Variants in NIN observed in about 807,000 individuals in gnomAD.
NIN encodes glycogen synthase kinase 3 beta-interacting protein.
A neutral mutation model predicts 257.6 loss-of-function variants in NIN; 137 were observed. The observed-to-expected ratio is 0.53, with a 90% CI of 0.46 to 0.61. The LOEUF (loss-of-function observed/expected upper bound fraction) is 0.61, where lower values mean the gene tolerates loss of function less well. NIN is among the 20% of genes least tolerant of loss of function. The pLI, the probability that NIN is intolerant of heterozygous loss-of-function variation, is 0.00. For synonymous variants in NIN, 918 were observed against 919.8 expected, an observed-to-expected ratio of 1.00 and a Z score of 0.04; for missense variants, 2,439 against 2,501.2, an observed-to-expected ratio of 0.98 and a Z score of 0.53.
At chr14:50,806,703 G>C in intron 4 of NIN, 34 bp downstream of exon 4, 1 of 1,223,350 alleles carries the variant, frequency 8.2e-7, no homozygotes, top group Non-Finnish European at 1.2e-6. Flanking sequence ...AACTTTTAAA[G>C]GGGAAGGCAG....
At chr14:50,797,786 G>A (rs1191716946) in intron 4 of NIN, among the ~76,000 whole-genome samples, 9 of 152,058 alleles carry the variant, frequency 5.9e-5, no homozygotes, top group Admixed American at 5.9e-4. Context: ...GAGAGAATGA[G>A]ACAGAGACTG....
intron 28 of NIN, among the ~76,000 whole-genome samples, chr14:50,731,255 C>T (rs528594931): frequency 2.0e-5 from 3 of 152,258 alleles, no homozygotes; most frequent in Admixed American, 6.5e-5. Flanking sequence ...CCAGGCCAGG[C>T]GCAGTGGCTC....
At chr14:50,747,449 G>A (rs998414073) in intron 22 of NIN, among the ~76,000 whole-genome samples, 1 of 152,288 alleles carries the variant, frequency 6.6e-6, no homozygotes, top group Middle Eastern at 3.4e-3. Flanking sequence ...GAATTTTAGA[G>A]TGGGCCGGAT....
At chr14:50,825,410 A>G (rs531987544) in intron 2 of NIN, among the ~76,000 whole-genome samples, 6 of 152,364 alleles carry the variant, frequency 3.9e-5, no homozygotes, top group African/African-American at 1.4e-4. Flanking sequence ...TTAATGTCAA[A>G]TAAAAGCAGA....
intron 28 of NIN, 57 bp downstream of exon 28, chr14:50,735,459 C>T: frequency 6.3e-7 from 1 of 1,582,212 alleles, no homozygotes. Flanking sequence ...CCAACAAATA[C>T]CTCATTCATG....
chr14:50,772,461 T>C lies in NIN; in HGVS notation c.821A>G (p.Asp274Gly). The C allele has an allele frequency of 6.2e-7, 1 of 1,614,078 alleles. No individual in the cohort carries two copies. Among genetic ancestry groups the C allele is most frequent in the Non-Finnish European group, 8.5e-7 (1 of 1,179,966 alleles). Reference protein sequence around the residue: ...LKRHLSMQSFDESGRRTTTSS... With the variant: ...LKRHLSMQSFGESGRRTTTSS... ...GGTTGTGGTACGTCGTCCACTCTCA[T>C]CGAAAGACTGGAAGGAGGAAGAGAC... is the stretch of plus-strand genomic sequence containing the variant. Residue 274 changes from aspartate (D) to glycine (G), a missense_variant, in exon 9 of 31, where the codon GAT (aspartate) becomes GGT (glycine). By Grantham distance (94) the Asp-to-Gly change is moderately conservative. Coordinates refer to ENST00000530997, the MANE Select transcript of NIN (RefSeq NM_020921.4).
intron 24 of NIN, 61 bp from the exon 25 acceptor site, chr14:50,741,789 G>A: frequency 1.3e-6 from 2 of 1,544,652 alleles, no homozygotes; most frequent in Admixed American, 2.0e-5. Flanking sequence ...CCTCTAGCAT[G>A]TTCAGGAATG....
intron 16 of NIN, among the ~76,000 whole-genome samples, 200 bp from the exon 17 acceptor site, chr14:50,760,559 T>C (rs2140868455): frequency 6.6e-6 from 1 of 152,206 alleles, no homozygotes; most frequent in East Asian, 1.9e-4. Context: ...ATATCTCTTT[T>C]AAGTGGCTGA....
At chr14:50,739,216 C>T (rs1220735470) in intron 26 of NIN, 92 bp downstream of exon 26, 2 of 1,272,376 alleles carry the variant, frequency 1.6e-6, no homozygotes, top group South Asian at 1.3e-5. Flanking sequence ...AAATCCATAC[C>T]TTAGAACCAT....
intron 28 of NIN, among the ~76,000 whole-genome samples, chr14:50,731,341 C>A (rs1418410548): frequency 6.6e-6 from 1 of 151,806 alleles, no homozygotes. Flanking sequence ...ACCAGCCTGT[C>A]CAACGTGGTG....
At chr14:50,728,284 A>G (rs963651874) in intron 29 of NIN, among the ~76,000 whole-genome samples, 1 of 152,170 alleles carries the variant, frequency 6.6e-6, no homozygotes, top group African/African-American at 2.4e-5. Context: ...AGCATCTAAC[A>G]CTCTACCATC....
intron 3 of NIN, among the ~76,000 whole-genome samples, chr14:50,816,016 A>G (rs1566877845): frequency 6.6e-6 from 1 of 152,178 alleles, no homozygotes; most frequent in Non-Finnish European, 1.5e-5. Context: ...CAAAAAAACA[A>G]AACAAAATGA....
chr14:50,775,309 T>C (rs911928132), intron 7 of NIN, among the ~76,000 whole-genome samples: 2 of 152,222 alleles, frequency 1.3e-5, no homozygotes, highest in African/African-American at 2.4e-5. Flanking sequence ...TTTGCATCTC[T>C]GCCCTGTCAT....
intron 29 of NIN, among the ~76,000 whole-genome samples, chr14:50,729,156 CAGCTT>C (rs1392810413): frequency 1.3e-5 from 2 of 152,122 alleles, no homozygotes; most frequent in Non-Finnish European, 2.9e-5. Flanking sequence ...CTAAATGACT[CAGCTT>C]AGAAGCTGAG....
At chr14:50,769,942 C>CAAAAA (rs1176244770) in intron 12 of NIN, among the ~76,000 whole-genome samples, 1 of 84,392 alleles carries the variant, frequency 1.2e-5, no homozygotes. Flanking sequence ...GACCCCATCT[C>CAAAAA]AAAAAAAAAA....
chr14:50,746,690 C>T (rs1183714967), intron 22 of NIN, among the ~76,000 whole-genome samples: 2 of 152,096 alleles, frequency 1.3e-5, no homozygotes, highest in Non-Finnish European at 2.9e-5. Context: ...CTAAATTTTC[C>T]TACCATAAAT....
At chr14:50,794,819 T>A (rs376640186) in intron 4 of NIN, among the ~76,000 whole-genome samples, 49 of 151,706 alleles carry the variant, frequency 3.2e-4, no homozygotes, top group African/African-American at 9.4e-4. Flanking sequence ...AAATCCATTG[T>A]GATCTAATCC....
intron 5 of NIN, among the ~76,000 whole-genome samples, chr14:50,786,799 T>G (rs1325950993): frequency 2.6e-5 from 4 of 152,224 alleles, no homozygotes; most frequent in Non-Finnish European, 4.4e-5. Flanking sequence ...AGAACTTCTC[T>G]TGGTTATTAA....
At chr14:50,770,236 G>A in intron 12 of NIN, 152 bp downstream of exon 12, 1 of 694,534 alleles carries the variant, frequency 1.4e-6, no homozygotes, top group Non-Finnish European at 2.4e-6. Context: ...GATTTTAGCA[G>A]GGCCCTGCCA....
Sources: allele counts gnomAD v4.1 joint callset (sites outside exome capture counted in the v4.1 genomes callset), GRCh38; gene constraint gnomAD v4.1.1; transcripts MANE v1.5; gene names NCBI Gene and HGNC (gene_info 2026-07-23, HGNC 2026-07-21).